DPYSL3: variants seen among roughly 807,000 people sequenced by gnomAD.
DPYSL3 encodes dihydropyrimidinase-related protein 3.
Under a neutral mutation model 66.1 loss-of-function variants are expected in DPYSL3, and 16 were observed. The ratio of observed to expected loss-of-function variants is 0.24; its 90% CI spans 0.16 to 0.37. DPYSL3 has a LOEUF of 0.37. DPYSL3 is among the 10% of genes least tolerant of loss of function. DPYSL3 has a pLI of 1.00. For missense variants in DPYSL3, 738 were observed against 916.2 expected (o/e 0.81, Z 2.51); for synonymous variants, 338 against 345.1 (o/e 0.98, Z 0.23).
Position 147,509,559 on chromosome 5 carries a change from G to A in DPYSL3, c.300C>T (p.Pro100=), listed in dbSNP as rs1221086021. The change falls in exon 1 of 14, where the codon CCC becomes CCT. Residue 100 remains proline, a synonymous_variant. Transcript: ENST00000343218. This position sits in a 1 kb window ranked among gnomAD's most constrained non-coding sequence, Gnocchi z 5.3. ...CTACCCCGGCGGGGGCGGGGGAGGCGGGCGCGGGCTCCCTGCTCTCTTCCC... is the reference window on the plus strand; with the variant it reads ...CTACCCCGGCGGGGGCGGGGGAGGCAGGCGCGGGCTCCCTGCTCTCTTCCC... The part of the protein sequence containing the change: ...QGREESREPA[P]ASPAPAGVEI... 4.6e-6 allele frequency: 7 copies of A among 1,534,882 alleles called. No individual in the cohort carries two copies. The highest frequency in any genetic ancestry group is 6.1e-6 in the Non-Finnish European group (7 of 1,146,502).
intron 1 of DPYSL3, among the ~76,000 whole-genome samples, chr5:147,485,499 A>G (rs1753315669): frequency 6.6e-6 from 1 of 152,186 alleles, no homozygotes; most frequent in African/African-American, 2.4e-5. Flanking sequence ...ACAATATTCT[A>G]TTACTAAATA....
chr5:147,462,432 A>G (rs551029967), intron 1 of DPYSL3, among the ~76,000 whole-genome samples: 1 of 152,190 alleles, frequency 6.6e-6, no homozygotes, highest in Non-Finnish European at 1.5e-5. Flanking sequence ...TGACAAGTAC[A>G]TTGAAGGCTT....
At chr5:147,404,605 A>G (rs1437824692) in intron 8 of DPYSL3, among the ~76,000 whole-genome samples, 3 of 152,154 alleles carry the variant, frequency 2.0e-5, no homozygotes, top group Admixed American at 6.5e-5. Flanking sequence ...TCTCACCTGC[A>G]CTCGTCCCTT....
At position 147,510,047 on chromosome 5, in the gene DPYSL3, G is replaced by T. The variant is rs1363498807; in HGVS notation, c.-189C>A. 5 of 1,003,490 alleles carry T rather than the reference G, an allele frequency of 5.0e-6. No individual in the cohort carries two copies. Among genetic ancestry groups the T allele is most frequent in the Non-Finnish European group, 7.0e-6 (5 of 718,128 alleles). The allele number at this position is 1,003,490 out of a possible 1,614,324, so 62.2% of individuals were successfully genotyped here. A position where few individuals can be genotyped will look rare whatever the true frequency, so the allele number is the denominator to read the frequency against. On this transcript the variant is annotated 5_prime_UTR_variant, in exon 1 of 14. Transcript: ENST00000343218. ...CCAGCGAGCCACACAGCCAGCTAGC[G>T]CGCGGAGCAGGGGCCCAGAGTAGCG...
intron 13 of DPYSL3, 33 bp downstream of exon 13, chr5:147,395,526 T>G (rs2152014333): frequency 6.3e-7 from 1 of 1,585,214 alleles, no homozygotes; most frequent in East Asian, 2.3e-5. Context: ...CCTTCCCCCT[T>G]CTCTTATCTT....
chr5:147,457,851 A>G (rs2126406065), intron 1 of DPYSL3, among the ~76,000 whole-genome samples: 1 of 152,348 alleles, frequency 6.6e-6, no homozygotes, highest in South Asian at 2.1e-4. Flanking sequence ...GTTCCTCCAC[A>G]GTCACTGAAG....
At chr5:147,467,198 A>G (rs914133727) in intron 1 of DPYSL3, among the ~76,000 whole-genome samples, 1 of 152,186 alleles carries the variant, frequency 6.6e-6, no homozygotes, top group Non-Finnish European at 1.5e-5. Flanking sequence ...ATTTGTTTCA[A>G]ATTATTTGAC....
At chr5:147,494,329 A>G (rs1753463816) in intron 1 of DPYSL3, among the ~76,000 whole-genome samples, 1 of 152,106 alleles carries the variant, frequency 6.6e-6, no homozygotes, top group Admixed American at 6.5e-5. Context: ...AAATTAAAGT[A>G]AGCAGAAGAA....
chr5:147,448,428 G>C (rs890257843), intron 1 of DPYSL3, among the ~76,000 whole-genome samples: 1 of 152,144 alleles, frequency 6.6e-6, no homozygotes. Context: ...TTTATATAAC[G>C]CTGTTTATTT....
At chr5:147,428,943 A>T (rs925986792) in intron 1 of DPYSL3, among the ~76,000 whole-genome samples, 1 of 152,150 alleles carries the variant, frequency 6.6e-6, no homozygotes, top group Non-Finnish European at 1.5e-5. Context: ...CATCCCGTAC[A>T]TGTATCCCAG....
intron 2 of DPYSL3, among the ~76,000 whole-genome samples, chr5:147,419,333 A>C (rs1752036692): frequency 6.6e-6 from 1 of 152,202 alleles, no homozygotes; most frequent in Non-Finnish European, 1.5e-5. Context: ...CCGCCACTAG[A>C]CACGGCTTCG....
chr5:147,400,602 G>A (rs752014630), intron 10 of DPYSL3, 90 bp downstream of exon 10: 2 of 1,510,542 alleles, frequency 1.3e-6, no homozygotes, highest in Non-Finnish European at 1.8e-6. Context: ...TGCACTCGCA[G>A]TGTCACCAGC....
At chr5:147,501,478 ATTTTTTTTT>A (rs749216433) in intron 1 of DPYSL3, among the ~76,000 whole-genome samples, 7 of 91,084 alleles carry the variant, frequency 7.7e-5, no homozygotes, top group African/African-American at 2.7e-4. Flanking sequence ...GGTGATAATG[ATTTTTTTTT>A]TTTTTTTTTT....
intron 1 of DPYSL3, among the ~76,000 whole-genome samples, chr5:147,434,066 AC>A (rs1391907673): frequency 6.6e-6 from 1 of 151,830 alleles, no homozygotes; most frequent in Non-Finnish European, 1.5e-5. Flanking sequence ...TAGGTATTAC[AC>A]ATATTACTAC....
At chr5:147,426,830 G>A (rs181052459) in intron 1 of DPYSL3, among the ~76,000 whole-genome samples, 28 of 152,148 alleles carry the variant, frequency 1.8e-4, no homozygotes, top group African/African-American at 6.8e-4. Context: ...TGCATAAGAA[G>A]AAATTTCATC....
intron 1 of DPYSL3, among the ~76,000 whole-genome samples, chr5:147,470,201 C>A (rs1445362252): frequency 1.3e-5 from 2 of 152,182 alleles, no homozygotes; most frequent in Non-Finnish European, 2.9e-5. Context: ...CTGCCTCCAT[C>A]TCCTTCCTTT....
chr5:147,418,331 A>G, intron 3 of DPYSL3, 116 bp downstream of exon 3: 1 of 1,092,646 alleles, frequency 9.2e-7, no homozygotes, highest in Non-Finnish European at 1.3e-6. Context: ...CAGGCAACAC[A>G]TCTATAAACT....
chr5:147,484,799 C>A (rs149143016), intron 1 of DPYSL3, among the ~76,000 whole-genome samples: 81 of 152,322 alleles, frequency 5.3e-4, no homozygotes, highest in Non-Finnish European at 7.3e-4. Context: ...GGTTTGTTAA[C>A]TGCTCTCTAA....
intron 12 of DPYSL3, among the ~76,000 whole-genome samples, chr5:147,396,865 GTA>G (rs10561140): frequency 0.037 from 5,316 of 144,426 alleles, 283 homozygotes; most frequent in African/African-American, 0.12. Flanking sequence ...GTATATGTGT[GTA>G]TATATATATA....
Sources: allele counts gnomAD v4.1 joint callset (sites outside exome capture counted in the v4.1 genomes callset), GRCh38; gene constraint gnomAD v4.1.1; non-coding constraint Gnocchi (gnomAD v3.1); transcripts MANE v1.5; gene names NCBI Gene and HGNC (gene_info 2026-07-23, HGNC 2026-07-21).